ACBD6: variants seen among roughly 807,000 people sequenced by gnomAD.
ACBD6 encodes acyl-CoA binding domain containing 6.
In ACBD6, 28 loss-of-function variants were observed where a neutral mutation model predicts 37.2. That is an observed-to-expected ratio of 0.75 (90% CI 0.56 to 1.03). ACBD6 has a LOEUF of 1.03. ACBD6 is among the 50% of genes least tolerant of loss of function. The probability of loss-of-function intolerance (pLI) is 0.00; values close to 1 mark genes in which losing one functional copy is unlikely to be tolerated. For missense variants in ACBD6, 340 were observed against 337.4 expected (o/e 1.01, Z -0.06); for synonymous variants, 113 against 126.8 (o/e 0.89, Z 0.73).
At chr1:180,421,696 G>C (rs570895062) in intron 4 of ACBD6, among the ~76,000 whole-genome samples, 75 of 152,096 alleles carry the variant, frequency 4.9e-4, no homozygotes, top group African/African-American at 1.7e-3. Flanking sequence ...CAGCCATTCT[G>C]ACTGTTACTA....
chr1:180,366,023 T>C (rs1429668416), intron 6 of ACBD6, among the ~76,000 whole-genome samples: 1 of 152,200 alleles, frequency 6.6e-6, no homozygotes, highest in Non-Finnish European at 1.5e-5. Flanking sequence ...AATTCCTTCA[T>C]CATTAATTGG....
intron 9 of ACBD6, chr1:180,278,262 A>AAAT (rs1186827966): frequency 6.6e-6 from 1 of 152,248 alleles, no homozygotes; most frequent in African/African-American, 2.4e-5. Context: ...AATTAAGCGG[A>AAAT]AATGAGTTTT....
intron 6 of ACBD6, among the ~76,000 whole-genome samples, chr1:180,352,662 A>G (rs1013309903): frequency 3.3e-5 from 5 of 152,228 alleles, no homozygotes; most frequent in Admixed American, 6.5e-5. Flanking sequence ...AACAAACATG[A>G]GCAAAGGCAC....
At chr1:180,475,697 G>A (rs1650751970) in intron 3 of ACBD6, among the ~76,000 whole-genome samples, 1 of 151,976 alleles carries the variant, frequency 6.6e-6, no homozygotes, top group African/African-American at 2.4e-5. Context: ...CCAATAGTTT[G>A]GTCCTATTTA....
chr1:180,495,639 T>A lies in ACBD6; in HGVS notation c.223-114A>T, dbSNP rs1055523772. On this transcript the variant is annotated intron_variant, in intron 1 of 7. Coordinates refer to ENST00000367595, the MANE Select transcript of ACBD6 (RefSeq NM_032360.4). Reference sequence around the variant, plus strand: ...AACCATAGGTTGGAAAATATTTGCATCTATATGGAATAGCAAAATTTAACA... The same window carrying A: ...AACCATAGGTTGGAAAATATTTGCAACTATATGGAATAGCAAAATTTAACA... 5 of 797,072 alleles carry A rather than the reference T, an allele frequency of 6.3e-6. No homozygotes were observed. In the African/African-American group the frequency reaches 6.9e-5, roughly 11 times the overall value. 49.4% of individuals were successfully genotyped at this position (797,072 alleles called of 1,614,324 possible).
intron 6 of ACBD6, among the ~76,000 whole-genome samples, chr1:180,327,735 A>C (rs1651308944): frequency 6.6e-6 from 1 of 152,256 alleles, no homozygotes; most frequent in African/African-American, 2.4e-5. Flanking sequence ...GTGCAATGAC[A>C]GACATGATAA....
At position 180,288,402 on chromosome 1, in the gene ACBD6, A is replaced by G. The variant is rs142196560; in HGVS notation, c.810T>C (p.Val270=). ...LPEEVTGCKT[V]SLVLQRHTTG... is the part of the protein sequence containing the mutation. Reference sequence around the variant, plus strand: ...TTGTGTGCCGCTGCAGCACCAAAGAAACTGTTTTGCAGCCTGTCACCTCCT... The same window carrying G: ...TTGTGTGCCGCTGCAGCACCAAAGAGACTGTTTTGCAGCCTGTCACCTCCT... The change falls in exon 8 of 8, where the codon GTT becomes GTC. Residue 270 remains valine, a synonymous_variant. Transcript: ENST00000367595. The G allele has an allele frequency of 6.8e-6, 11 of 1,613,766 alleles. No individual in the cohort carries two copies. The African/African-American group carries it at 1.5e-4, about 22-fold the overall frequency.
chr1:180,374,087 T>G (rs1453474584), intron 6 of ACBD6, among the ~76,000 whole-genome samples: 1 of 152,184 alleles, frequency 6.6e-6, no homozygotes, highest in Non-Finnish European at 1.5e-5. Flanking sequence ...CAAAAAGATA[T>G]GCCACAACAT....
chr1:180,283,389 A>G (rs1039773243), downstream of ACBD6, among the ~76,000 whole-genome samples: 2 of 152,090 alleles, frequency 1.3e-5, no homozygotes, highest in African/African-American at 4.8e-5. Context: ...CACCTCTGAG[A>G]AAAACCCACC....
At chr1:180,326,062 C>A (rs1428108504) in intron 6 of ACBD6, among the ~76,000 whole-genome samples, 3 of 152,162 alleles carry the variant, frequency 2.0e-5, no homozygotes, top group Non-Finnish European at 4.4e-5. Context: ...TAGGGCTCTA[C>A]AATTAGCAGG....
At chr1:180,499,810 A>G (rs112657959) in intron 1 of ACBD6, among the ~76,000 whole-genome samples, 1 of 152,302 alleles carries the variant, frequency 6.6e-6, no homozygotes, top group Non-Finnish European at 1.5e-5. Context: ...TCCAAGGCCA[A>G]TTTGGAGGTA....
intron 5 of ACBD6, among the ~76,000 whole-genome samples, chr1:180,400,358 T>G (rs1267433270): frequency 1.3e-5 from 2 of 152,208 alleles, no homozygotes; most frequent in African/African-American, 2.4e-5. Flanking sequence ...TTTTCTGACC[T>G]GCAATGCAAT....
intron 4 of ACBD6, among the ~76,000 whole-genome samples, chr1:180,417,394 A>G (rs1021877584): frequency 6.6e-6 from 1 of 152,196 alleles, no homozygotes; most frequent in African/African-American, 2.4e-5. Flanking sequence ...GACGGAGGCA[A>G]AAAAGCATTC....
intron 7 of ACBD6, among the ~76,000 whole-genome samples, chr1:180,293,256 C>T (rs977807446): frequency 1.3e-5 from 2 of 151,466 alleles, no homozygotes; most frequent in Non-Finnish European, 1.5e-5. Flanking sequence ...GGGCAGTGCT[C>T]CCTCCCCTTC....
At chr1:180,441,874 T>C (rs919971741) in intron 3 of ACBD6, among the ~76,000 whole-genome samples, 9 of 152,224 alleles carry the variant, frequency 5.9e-5, no homozygotes, top group African/African-American at 2.2e-4. Flanking sequence ...TGTTTCTTTA[T>C]TTTTCTTGTC....
intron 3 of ACBD6, among the ~76,000 whole-genome samples, chr1:180,454,946 G>A (rs545818154): frequency 6.6e-6 from 1 of 152,314 alleles, no homozygotes; most frequent in South Asian, 2.1e-4. Flanking sequence ...TTCAACCATT[G>A]TGGAAGTCAG....
chr1:180,451,830 A>C (rs986669342), intron 3 of ACBD6, among the ~76,000 whole-genome samples: 3 of 152,156 alleles, frequency 2.0e-5, no homozygotes, highest in Admixed American at 2.0e-4. Flanking sequence ...TATGCTAAAA[A>C]CCACTGAATT....
At chr1:180,275,512 C>A (rs1428811561) in intron 9 of ACBD6, 1 of 152,226 alleles carries the variant, frequency 6.6e-6, no homozygotes, top group East Asian at 1.9e-4. Flanking sequence ...CGGCTGATGC[C>A]AGTCTTCCAG....
chr1:180,351,891 C>A (rs1209629883), intron 6 of ACBD6, among the ~76,000 whole-genome samples: 1 of 152,044 alleles, frequency 6.6e-6, no homozygotes, highest in Non-Finnish European at 1.5e-5. Flanking sequence ...AAGGTGGGAA[C>A]AATATGCATA....
Sources: gnomAD v4.1 joint callset for allele counts (sites outside exome capture counted in the v4.1 genomes callset) on GRCh38, gnomAD v4.1.1 for gene constraint, MANE v1.5 for transcripts, NCBI Gene and HGNC (gene_info 2026-07-23, HGNC 2026-07-21) for gene names.